The following KCNIP4 variants were observed in gnomAD, a reference collection of about 807,000 sequenced individuals.
The protein encoded by KCNIP4 is potassium voltage-gated channel interacting protein 4, also known as Kv channel-interacting protein 4.
KCNIP4 carries 12 observed loss-of-function variants against 34.0 expected under a neutral mutation model. That is an observed-to-expected ratio of 0.35 (90% CI 0.23 to 0.57). KCNIP4 has a LOEUF of 0.57. Among genes scored for constraint, KCNIP4 ranks in the 20% least tolerant of loss-of-function variants. The pLI, the probability that KCNIP4 is intolerant of heterozygous loss-of-function variation, is 0.83. For synonymous variants in KCNIP4, 124 were observed against 102.2 expected (o/e 1.21, Z -1.29); for missense variants, 238 against 311.7 (o/e 0.76, Z 1.78).
chr4:21,556,944 C>A (rs394135), intron 1 of KCNIP4, among the ~76,000 whole-genome samples: 51,135 of 97,886 alleles, frequency 0.52, 11,146 homozygotes, highest in African/African-American at 0.58. Flanking sequence ...AAAAAAAAAA[C>A]CAGAAAACAA....
At chr4:21,236,200 C>T (rs1024163083) in intron 1 of KCNIP4, among the ~76,000 whole-genome samples, 8 of 151,990 alleles carry the variant, frequency 5.3e-5, no homozygotes, top group Admixed American at 1.3e-4. Context: ...CTTAATTTTG[C>T]ATTTTATCCC....
At chr4:20,844,385 G>A (rs1720116893) in intron 3 of KCNIP4, among the ~76,000 whole-genome samples, 3 of 152,222 alleles carry the variant, frequency 2.0e-5, no homozygotes, top group East Asian at 3.9e-4. Flanking sequence ...CTTAAGGAAG[G>A]CCTTTTATCT....
At chr4:21,097,099 T>C (rs955599378) in intron 1 of KCNIP4, among the ~76,000 whole-genome samples, 3 of 152,096 alleles carry the variant, frequency 2.0e-5, no homozygotes, top group Admixed American at 6.6e-5. Context: ...CTAGCTATCT[T>C]CCCCAAAGAA....
chr4:21,510,461 G>C (rs1228950499), intron 1 of KCNIP4, among the ~76,000 whole-genome samples: 1 of 151,218 alleles, frequency 6.6e-6, no homozygotes, highest in Non-Finnish European at 1.5e-5. Context: ...TATTACTCTT[G>C]AACAAAAAAA....
At chr4:21,648,418 A>G (rs1168666361) in intron 1 of KCNIP4, among the ~76,000 whole-genome samples, 1 of 152,206 alleles carries the variant, frequency 6.6e-6, no homozygotes, top group Non-Finnish European at 1.5e-5. Flanking sequence ...TCAGGGAAGA[A>G]GACACTGAGA....
chr4:20,930,318 T>C (rs1306816856), intron 1 of KCNIP4, among the ~76,000 whole-genome samples: 2 of 151,986 alleles, frequency 1.3e-5, no homozygotes, highest in African/African-American at 4.8e-5. Context: ...TGCAGAAGAA[T>C]GAAATTGGAC....
At chr4:21,433,388 G>A (rs1342975425) in intron 1 of KCNIP4, among the ~76,000 whole-genome samples, 1 of 152,076 alleles carries the variant, frequency 6.6e-6, no homozygotes, top group African/African-American at 2.4e-5. Context: ...GAACACTTGA[G>A]ACCAGGAGTT....
intron 1 of KCNIP4, among the ~76,000 whole-genome samples, chr4:21,254,452 CAT>C (rs1389004086): frequency 6.6e-6 from 1 of 152,202 alleles, no homozygotes; most frequent in Non-Finnish European, 1.5e-5. Context: ...CCTACAGACT[CAT>C]AATCTCATAG....
chr4:21,875,837 C>T (rs781618221), intron 1 of KCNIP4, among the ~76,000 whole-genome samples: 22 of 152,036 alleles, frequency 1.4e-4, no homozygotes, highest in Non-Finnish European at 2.9e-4. Flanking sequence ...ACGAGAAATG[C>T]TTTTACTTCA....
chr4:20,778,391 T>A (rs1756565512), intron 3 of KCNIP4, among the ~76,000 whole-genome samples: 1 of 152,212 alleles, frequency 6.6e-6, no homozygotes, highest in Non-Finnish European at 1.5e-5. Flanking sequence ...TTTATTGAAT[T>A]TAAATCAAGC....
intron 2 of KCNIP4, among the ~76,000 whole-genome samples, chr4:20,858,450 C>T (rs1721848577): frequency 6.6e-6 from 1 of 152,148 alleles, no homozygotes; most frequent in Admixed American, 6.6e-5. Context: ...TCAAATGACA[C>T]ACAACACTGA....
chr4:21,573,422 C>T (rs1040418179), intron 1 of KCNIP4, among the ~76,000 whole-genome samples: 3 of 152,022 alleles, frequency 2.0e-5, no homozygotes, highest in African/African-American at 7.2e-5. Context: ...CTTTATTTAT[C>T]TTGTATTTGT....
chr4:20,976,482 GATT>G (rs926882650), intron 1 of KCNIP4, among the ~76,000 whole-genome samples: 6 of 152,170 alleles, frequency 3.9e-5, no homozygotes, highest in Non-Finnish European at 8.8e-5. Flanking sequence ...CAAAGATTGG[GATT>G]ATTAACCCCA....
intron 2 of KCNIP4, among the ~76,000 whole-genome samples, chr4:20,876,970 C>T (rs575703023): frequency 6.6e-6 from 1 of 152,304 alleles, no homozygotes; most frequent in South Asian, 2.1e-4. Flanking sequence ...ATCACAACAC[C>T]TGGCTCCTAA....
chr4:21,444,146 CA>C (rs1331535210), intron 1 of KCNIP4, among the ~76,000 whole-genome samples: 1 of 151,890 alleles, frequency 6.6e-6, no homozygotes, highest in African/African-American at 2.4e-5. Context: ...GCTTACCAAC[CA>C]AAAAAAGTCC....
intron 1 of KCNIP4, among the ~76,000 whole-genome samples, chr4:21,130,092 AT>A (rs1424671020): frequency 2.0e-5 from 3 of 151,500 alleles, no homozygotes; most frequent in Non-Finnish European, 4.4e-5. Flanking sequence ...CCATTCCCTG[AT>A]TTTTTACTGT....
chr4:21,538,573 A>G (rs1322474131), intron 1 of KCNIP4, among the ~76,000 whole-genome samples: 1 of 152,134 alleles, frequency 6.6e-6, no homozygotes, highest in Non-Finnish European at 1.5e-5. Flanking sequence ...TTACAAGCTA[A>G]TGCATACATC....
intron 1 of KCNIP4, among the ~76,000 whole-genome samples, chr4:21,013,395 C>A (rs1739233284): frequency 6.6e-6 from 1 of 152,116 alleles, no homozygotes; most frequent in Non-Finnish European, 1.5e-5. Context: ...CAGCTTGATG[C>A]TCCTGAAGTC....
chr4:21,124,473 T>C (rs1750440834), intron 1 of KCNIP4, among the ~76,000 whole-genome samples: 1 of 152,228 alleles, frequency 6.6e-6, no homozygotes, highest in African/African-American at 2.4e-5. Context: ...GAGTCGTTTG[T>C]CTTACAAAAT....
Sources: gnomAD v4.1 joint callset for allele counts (sites outside exome capture counted in the v4.1 genomes callset) on GRCh38, gnomAD v4.1.1 for gene constraint, MANE v1.5 for transcripts, NCBI Gene and HGNC (gene_info 2026-07-23, HGNC 2026-07-21) for gene names.